RTN1: variants seen among roughly 807,000 people sequenced by gnomAD.
RTN1 encodes the protein reticulon-1.
A neutral mutation model predicts 65.5 loss-of-function variants in RTN1; 25 were observed. The observed-to-expected ratio is 0.38, with a 90% CI of 0.28 to 0.53. The LOEUF is 0.53. Ranked by LOEUF, RTN1 falls within the 20% of genes least tolerant of loss-of-function variation. The pLI, the probability that RTN1 is intolerant of heterozygous loss-of-function variation, is 0.79. For synonymous variants in RTN1, 471 were observed against 447.6 expected (o/e 1.05, Z -0.66); for missense variants, 983 against 1,025.4 (o/e 0.96, Z 0.57).
At chr14:59,606,103 G>GATATATATATATATATATATATATATAT (rs68098978) in intron 4 of RTN1, 36 of 127,260 alleles carry the variant, frequency 2.8e-4, no homozygotes, top group African/African-American at 1.2e-3. Context: ...GGAAAAACAT[G>GATATATATATATATATATATATATATAT]ATATATATAT....
chr14:59,630,216 C>A, intron 3 of RTN1, among the ~76,000 whole-genome samples: 1 of 43,946 alleles, frequency 2.3e-5, no homozygotes. Context: ...ACCAGCATTA[C>A]AACAAGAAAA....
chr14:59,711,864 G>A (rs901591635), intron 3 of RTN1, among the ~76,000 whole-genome samples: 2 of 152,172 alleles, frequency 1.3e-5, no homozygotes, highest in Admixed American at 6.5e-5. Flanking sequence ...CATGCATCAA[G>A]ATGCATAGAG....
At chr14:59,600,250 A>C (rs1332867696) in intron 8 of RTN1, among the ~76,000 whole-genome samples, 1 of 152,062 alleles carries the variant, frequency 6.6e-6, no homozygotes, top group African/African-American at 2.4e-5. Context: ...ACCGATCTCT[A>C]AGCAGTAATC....
intron 3 of RTN1, among the ~76,000 whole-genome samples, chr14:59,676,245 G>C (rs1883624919): frequency 2.0e-5 from 3 of 152,172 alleles, no homozygotes; most frequent in Admixed American, 1.3e-4. Flanking sequence ...AGCAATTTTA[G>C]CTAGTTTTTG....
chr14:59,710,359 A>C lies in RTN1; in HGVS notation c.1765+16560T>G, dbSNP rs192933749. Among the ~76,000 whole-genome samples, 539 of 152,288 alleles carry C rather than the reference A, an allele frequency of 3.5e-3. 2 individuals carry two copies. The highest frequency in any genetic ancestry group is 0.012 in the African/African-American group (508 of 41,558). ...GAAACTTCTTTGCATGTAAAGTTTC[A>C]CTTTAAAAAATAGAGGAGAGGAGTC... On this transcript the variant is annotated intron_variant, in intron 3 of 8. Coordinates refer to ENST00000267484, the MANE Select transcript of RTN1 (RefSeq NM_021136.3).
intron 1 of RTN1, among the ~76,000 whole-genome samples, chr14:59,782,981 T>C (rs987206938): frequency 1.3e-5 from 2 of 152,182 alleles, no homozygotes; most frequent in African/African-American, 4.8e-5. Context: ...CCCCACGCTG[T>C]GCTAATAAGC....
chr14:59,819,682 G>C (rs942842409), intron 1 of RTN1, among the ~76,000 whole-genome samples: 1 of 152,088 alleles, frequency 6.6e-6, no homozygotes, highest in Admixed American at 6.5e-5. Flanking sequence ...GGGGGCTCCG[G>C]CATGGCGGGC....
At position 59,606,528 on chromosome 14, in the gene RTN1, G is replaced by A. The variant is rs187094273; in HGVS notation, c.1973+757C>T. ...ACAGTGAAAGTGAGGACACAGTGAG[G>A]AGCTGGCAATCTGCAACCCAGGCAA... On this transcript the variant is annotated intron_variant, in intron 4 of 8. Coordinates refer to ENST00000267484, the MANE Select transcript of RTN1 (RefSeq NM_021136.3). Among the ~76,000 whole-genome samples the A allele has an allele frequency of 7.8e-4, 118 of 152,248 alleles. 3 individuals carry two copies. Among genetic ancestry groups the A allele is most frequent in the Admixed American group, 2.6e-4 (4 of 15,306 alleles).
chr14:59,611,569 T>C (rs928342170), intron 3 of RTN1, among the ~76,000 whole-genome samples: 1 of 152,118 alleles, frequency 6.6e-6, no homozygotes, highest in African/African-American at 2.4e-5. Context: ...GGGGTGTCTG[T>C]AGCCCCATCG....
intron 5 of RTN1, 37 bp downstream of exon 5, chr14:59,605,331 G>T (rs777226273): frequency 1.3e-5 from 20 of 1,596,866 alleles, no homozygotes; most frequent in Non-Finnish European, 1.6e-5. Flanking sequence ...GAAAATAACA[G>T]TCAAGACTGT....
chr14:59,742,900 C>G (rs924272672), intron 2 of RTN1, among the ~76,000 whole-genome samples: 10 of 152,100 alleles, frequency 6.6e-5, no homozygotes, highest in African/African-American at 2.4e-4. Context: ...GGGTCAGAAA[C>G]CTCGCAGGAT....
chr14:59,610,151 G>A (rs1225336079), intron 3 of RTN1: 2 of 774,052 alleles, frequency 2.6e-6, no homozygotes, highest in East Asian at 2.4e-5. Flanking sequence ...CTCTAGGGAA[G>A]CCTCCTAAAT....
chr14:59,733,444 C>G (rs886381417), intron 2 of RTN1, among the ~76,000 whole-genome samples: 1 of 152,126 alleles, frequency 6.6e-6, no homozygotes, highest in Non-Finnish European at 1.5e-5. Flanking sequence ...CTAGGCGAGG[C>G]CTCCCAGCTG....
chr14:59,731,797 T>C (rs1884902990), intron 2 of RTN1, among the ~76,000 whole-genome samples: 1 of 152,150 alleles, frequency 6.6e-6, no homozygotes. Context: ...TCCTCCTAGC[T>C]CTCCTGATCT....
chr14:59,831,262 C>T (rs989176062), intron 1 of RTN1, among the ~76,000 whole-genome samples: 1 of 152,202 alleles, frequency 6.6e-6, no homozygotes, highest in African/African-American at 2.4e-5. Flanking sequence ...ACATTTAAAT[C>T]AGTAGACTGG....
chr14:59,761,472 G>A (rs1178344004), intron 1 of RTN1, among the ~76,000 whole-genome samples: 1 of 152,118 alleles, frequency 6.6e-6, no homozygotes, highest in Non-Finnish European at 1.5e-5. Context: ...TGCTATGATT[G>A]TGAGGCCTCT....
chr14:59,795,312 G>GT (rs900092934), intron 1 of RTN1, among the ~76,000 whole-genome samples: 3 of 152,082 alleles, frequency 2.0e-5, no homozygotes, highest in African/African-American at 7.2e-5. Context: ...AGATACTTTG[G>GT]TTTTTTTAAC....
intron 3 of RTN1, chr14:59,630,542 G>A (rs745396148): frequency 2.5e-6 from 4 of 1,611,784 alleles, no homozygotes; most frequent in Non-Finnish European, 3.4e-6. Flanking sequence ...GGCTCTCCTC[G>A]GGGGCGCCGA....
intron 1 of RTN1, among the ~76,000 whole-genome samples, chr14:59,854,123 G>C (rs1342275424): frequency 1.3e-5 from 2 of 151,880 alleles, no homozygotes; most frequent in African/African-American, 4.8e-5. Flanking sequence ...GCCTCCCAAA[G>C]TGCAGGATTA....
Sources: allele counts gnomAD v4.1 joint callset (sites outside exome capture counted in the v4.1 genomes callset), GRCh38; gene constraint gnomAD v4.1.1; transcripts MANE v1.5; gene names NCBI Gene and HGNC (gene_info 2026-07-23, HGNC 2026-07-21).